ROBO2: variants seen among roughly 807,000 people sequenced by gnomAD.
ROBO2 encodes the protein roundabout guidance receptor 2.
A neutral mutation model predicts 160.8 loss-of-function variants in ROBO2; 53 were observed. The ratio of observed to expected loss-of-function variants is 0.33; its 90% CI spans 0.26 to 0.41. The LOEUF (loss-of-function observed/expected upper bound fraction) is 0.41, where lower values mean the gene tolerates loss of function less well. Among genes scored for constraint, ROBO2 ranks in the 10% least tolerant of loss-of-function variants. The pLI is 1.00. For missense variants in ROBO2, 1,577 were observed against 1,722.4 expected (o/e 0.92, Z 1.49); for synonymous variants, 664 against 611.7 (o/e 1.09, Z -1.26).
At chr3:77,180,510 A>G (rs2080671860) in intron 2 of ROBO2, among the ~76,000 whole-genome samples, 1 of 142,000 alleles carries the variant, frequency 7.0e-6, no homozygotes. Context: ...ATCTCGGCTC[A>G]CTGCAACCTT....
At chr3:76,070,395 C>A (rs1162235850) in intron 2 of ROBO2, among the ~76,000 whole-genome samples, 1 of 152,096 alleles carries the variant, frequency 6.6e-6, no homozygotes, top group East Asian at 1.9e-4. Context: ...CTCCAGTCTC[C>A]CATAGCGCTC....
In ROBO2 at chr3:76,744,666, T is replaced by C. The variant is rs143396977; in HGVS notation, c.110-353348T>C. On this transcript the variant is annotated intron_variant, in intron 2 of 26. Transcript: ENST00000487694. ...GTTCAGCCACCACGCCTGGCAAGAA[T>C]TGACCGCTTTTGAGGCCTCCTTGGC... Among the ~76,000 whole-genome samples the C allele has an allele frequency of 2.3e-3, 353 of 152,238 alleles. 2 individuals are homozygous for C. The highest frequency in any genetic ancestry group is 8.0e-3 in the African/African-American group (334 of 41,534).
intron 2 of ROBO2, among the ~76,000 whole-genome samples, chr3:77,348,194 G>T (rs889045921): frequency 6.6e-6 from 1 of 152,116 alleles, no homozygotes; most frequent in Admixed American, 6.6e-5. Flanking sequence ...AGTTTATTAA[G>T]AAAGTAAAGG....
At chr3:76,805,719 T>G (rs897786368) in intron 2 of ROBO2, among the ~76,000 whole-genome samples, 2 of 151,222 alleles carry the variant, frequency 1.3e-5, no homozygotes, top group African/African-American at 4.9e-5. Context: ...TATTCCAACC[T>G]ACTGGTATTT....
chr3:76,204,155 G>C (rs771451311), intron 2 of ROBO2, among the ~76,000 whole-genome samples: 1 of 152,066 alleles, frequency 6.6e-6, no homozygotes, highest in East Asian at 1.9e-4. Flanking sequence ...TTTCCTAAGT[G>C]ATAGTAGTTT....
chr3:76,580,352 T>G (rs1578294290), intron 2 of ROBO2, among the ~76,000 whole-genome samples: 11 of 145,408 alleles, frequency 7.6e-5, no homozygotes, highest in Non-Finnish European at 1.3e-4. Flanking sequence ...GTTTTTTTTT[T>G]TGTTTTTTTT....
intron 2 of ROBO2, among the ~76,000 whole-genome samples, chr3:76,562,849 T>C (rs1395851902): frequency 2.6e-5 from 4 of 152,192 alleles, no homozygotes; most frequent in African/African-American, 9.6e-5. Context: ...TATATATTGT[T>C]AATGGAAAAC....
At chr3:76,278,173 G>A (rs957564203) in intron 2 of ROBO2, among the ~76,000 whole-genome samples, 4 of 151,838 alleles carry the variant, frequency 2.6e-5, no homozygotes, top group South Asian at 2.1e-4. Context: ...TGAAAACAGA[G>A]ACTGAAATCG....
intron 2 of ROBO2, among the ~76,000 whole-genome samples, chr3:75,951,297 T>C (rs1324562048): frequency 5.3e-5 from 8 of 152,078 alleles, no homozygotes; most frequent in East Asian, 1.9e-4. Context: ...TTGTTTGAGA[T>C]TGGAAAACGT....
intron 13 of ROBO2, among the ~76,000 whole-genome samples, chr3:77,571,972 T>C (rs1040058108): frequency 1.3e-5 from 2 of 151,450 alleles, no homozygotes; most frequent in East Asian, 3.9e-4. Flanking sequence ...CCCCATACGA[T>C]ATACTGGCCG....
At chr3:76,345,427 T>TTTTC (rs5850252) in intron 2 of ROBO2, among the ~76,000 whole-genome samples, 128,355 of 148,278 alleles carry the variant, frequency 0.87, 56,871 homozygotes, top group Non-Finnish European at 0.98. Context: ...CAGGATATCT[T>TTTTC]TTTTCTTTTC....
chr3:77,322,251 T>G (rs11714521), intron 2 of ROBO2, among the ~76,000 whole-genome samples: 24,785 of 152,162 alleles, frequency 0.16, 2,285 homozygotes, highest in Admixed American at 0.28. Context: ...TTTGACTTCC[T>G]ACCAAACATA....
intron 2 of ROBO2, among the ~76,000 whole-genome samples, chr3:76,550,060 G>A (rs893765489): frequency 6.6e-6 from 1 of 152,140 alleles, no homozygotes; most frequent in African/African-American, 2.4e-5. Flanking sequence ...TATTCTTGAT[G>A]TAGCTTCAGT....
At chr3:77,294,952 T>G (rs1560466589) in intron 2 of ROBO2, among the ~76,000 whole-genome samples, 1 of 150,572 alleles carries the variant, frequency 6.6e-6, no homozygotes, top group African/African-American at 2.4e-5. Flanking sequence ...GTTAAACGAG[T>G]AAGCTGAGGC....
At chr3:76,834,074 C>CTCTCCTTTCTTTCT (rs2067382828) in intron 2 of ROBO2, among the ~76,000 whole-genome samples, 1 of 102,706 alleles carries the variant, frequency 9.7e-6, no homozygotes, top group Non-Finnish European at 2.0e-5. Flanking sequence ...TTCTTTCTTT[C>CTCTCCTTTCTTTCT]TTTCTTTCTT....
chr3:77,277,157 C>CTTAT (rs1553882841), intron 2 of ROBO2, among the ~76,000 whole-genome samples: 47 of 88,214 alleles, frequency 5.3e-4, no homozygotes, highest in African/African-American at 2.0e-3. Context: ...TCCTTCTTTC[C>CTTAT]TTCTTTCTTT....
At chr3:75,990,847 T>TCGA (rs1157224553) in intron 2 of ROBO2, among the ~76,000 whole-genome samples, 1 of 152,068 alleles carries the variant, frequency 6.6e-6, no homozygotes, top group Non-Finnish European at 1.5e-5. Context: ...TCTGTGAGGG[T>TCGA]CTTTCCATAA....
intron 2 of ROBO2, among the ~76,000 whole-genome samples, chr3:76,270,914 G>T (rs996591124): frequency 6.6e-6 from 1 of 152,086 alleles, no homozygotes; most frequent in Admixed American, 6.6e-5. Context: ...CATAAAGAGT[G>T]AACTGGAAAT....
chr3:76,679,804 A>G (rs1460764762), intron 2 of ROBO2, among the ~76,000 whole-genome samples: 1 of 152,144 alleles, frequency 6.6e-6, no homozygotes, highest in Non-Finnish European at 1.5e-5. Context: ...TATTCCACAT[A>G]AGAAAGTTGC....
Sources: allele counts gnomAD v4.1 joint callset (sites outside exome capture counted in the v4.1 genomes callset), GRCh38; gene constraint gnomAD v4.1.1; transcripts MANE v1.5; gene names NCBI Gene and HGNC (gene_info 2026-07-23, HGNC 2026-07-21).